The following OLAH variants were observed in gnomAD, a reference collection of about 807,000 sequenced individuals.
OLAH encodes the protein oleoyl-ACP hydrolase, also known as S-acyl fatty acid synthase thioesterase, medium chain.
A neutral mutation model predicts 27.8 loss-of-function variants in OLAH; 33 were observed. The ratio of observed to expected loss-of-function variants is 1.19; its 90% confidence interval spans 0.90 to 1.59. The LOEUF (loss-of-function observed/expected upper bound fraction) is 1.59. OLAH is among the 40% of genes most tolerant of loss of function. OLAH has a pLI of 0.00. For synonymous variants in OLAH, 120 were observed against 102.9 expected, an observed-to-expected ratio of 1.17 and a Z score of -1.01; for missense variants, 359 against 310.8, an observed-to-expected ratio of 1.16 and a Z score of -1.17.
chr10:15,052,806 G>C lies in OLAH; in HGVS notation c.163+3041G>C, dbSNP rs560523551. Among the ~76,000 whole-genome samples, 39 of 149,870 alleles carry C rather than the reference G, an allele frequency of 2.6e-4. No homozygotes were observed. In the South Asian group the frequency reaches 7.6e-3, roughly 29 times the overall value. On this transcript the variant is annotated intron_variant, in intron 3 of 7. Transcript: ENST00000378228. ...GCCCCAGGCCGGAGTGCAGTGGCGT[G>C]ATCTCGGCTCACTGCAGCCTCTGCC...
chr10:15,034,935 G>A (rs560098834), intron 1 of OLAH, among the ~76,000 whole-genome samples: 3 of 151,668 alleles, frequency 2.0e-5, no homozygotes, highest in Non-Finnish European at 4.4e-5. Flanking sequence ...CCGAGTAGCT[G>A]GGATTACAGG....
At chr10:15,052,193 G>T (rs1844156294) in intron 3 of OLAH, among the ~76,000 whole-genome samples, 1 of 152,160 alleles carries the variant, frequency 6.6e-6, no homozygotes, top group African/African-American at 2.4e-5. Flanking sequence ...TGAGGCAGAA[G>T]AACCGCTTGA....
rs565264989 is a variant in OLAH, at chr10:15,059,689, C to G, written c.164-2035C>G. On this transcript the variant is annotated intron_variant, in intron 3 of 7. Transcript: ENST00000378228. ...GGTGTGGTGGCATGTGCCTGTATTC[C>G]CAGCTACTTGGGAGGGTGAGGCAGG... is the stretch of plus-strand genomic sequence containing the variant. Among the ~76,000 whole-genome samples the G allele has an allele frequency of 2.6e-5, 4 of 152,218 alleles. No individual in the cohort carries two copies. In the East Asian group the frequency reaches 5.8e-4, roughly 22 times the overall value.
At chr10:15,066,226 G>T (rs1020598462) in intron 6 of OLAH, among the ~76,000 whole-genome samples, 1 of 141,852 alleles carries the variant, frequency 7.0e-6, no homozygotes, top group Non-Finnish European at 1.5e-5. Context: ...GGCCAACAGA[G>T]TGAGACTCCA....
At chr10:15,051,088 T>A (rs1245630750) in intron 3 of OLAH, among the ~76,000 whole-genome samples, 4 of 148,488 alleles carry the variant, frequency 2.7e-5, no homozygotes, top group African/African-American at 7.4e-5. Flanking sequence ...ATTTTTTTTT[T>A]TTTTTGAGAT....
At chr10:15,056,212 G>C (rs901643964) in intron 3 of OLAH, among the ~76,000 whole-genome samples, 64 of 151,980 alleles carry the variant, frequency 4.2e-4, no homozygotes, top group African/African-American at 1.5e-3. Context: ...TATCTATTCT[G>C]TTCTCAGGCA....
chr10:15,058,375 G>C (rs1844288025), intron 3 of OLAH, among the ~76,000 whole-genome samples: 1 of 152,148 alleles, frequency 6.6e-6, no homozygotes, highest in Admixed American at 6.6e-5. Flanking sequence ...TTATAGGCAT[G>C]AGCCACTGCA....
At chr10:15,069,996 T>C (rs928849647) in intron 6 of OLAH, among the ~76,000 whole-genome samples, 7 of 152,192 alleles carry the variant, frequency 4.6e-5, no homozygotes, top group Non-Finnish European at 1.5e-5. Context: ...CAGATACCTC[T>C]TCCGCCTGGA....
chr10:15,041,692 C>T (rs1472764065), upstream of OLAH, among the ~76,000 whole-genome samples: 1 of 151,964 alleles, frequency 6.6e-6, no homozygotes, highest in Non-Finnish European at 1.5e-5. Flanking sequence ...TCTCTTGCCT[C>T]AGCCTCCTGT....
chr10:15,059,210 G>A (rs1013778687), intron 3 of OLAH, among the ~76,000 whole-genome samples: 14 of 124,972 alleles, frequency 1.1e-4, no homozygotes, highest in Non-Finnish European at 1.7e-4. Context: ...CCATCCATCC[G>A]TCCATCTCAT....
At position 15,071,836 on chromosome 10, in the gene OLAH, CAT is replaced by C. The variant is rs766705398; in HGVS notation, c.615_616del (p.Cys206PhefsTer5). The C allele has an allele frequency of 1.2e-6, 2 of 1,613,656 alleles. No individual in the cohort carries two copies. Among genetic ancestry groups the C allele is most frequent in the Non-Finnish European group, 1.7e-6 (2 of 1,179,548 alleles). On this transcript the variant is annotated frameshift_variant, in exon 7 of 8. Transcript: ENST00000378228. LOFTEE classifies it low-confidence loss of function (END_TRUNC). ...AAGGCTGTTCTTTCCTGTGACTTGA[CAT>C]GTTTTGTTGGATCTGAAGACATAGC...
At chr10:15,041,280 AT>A (rs529932860), upstream of OLAH, among the ~76,000 whole-genome samples, 145 of 79,054 alleles carry the variant, frequency 1.8e-3, no homozygotes, top group East Asian at 0.015. Context: ...TTTTATTTTT[AT>A]TTTTATTTTT....
intron 6 of OLAH, among the ~76,000 whole-genome samples, chr10:15,068,464 C>T (rs1376048665): frequency 2.6e-5 from 4 of 152,200 alleles, no homozygotes; most frequent in African/African-American, 4.8e-5. Context: ...GCGATCTCAG[C>T]TCACTGCAAC....
At chr10:15,043,479 T>G (rs1843958188), upstream of OLAH, among the ~76,000 whole-genome samples, 1 of 67,364 alleles carries the variant, frequency 1.5e-5, no homozygotes, top group Non-Finnish European at 3.3e-5. Context: ...CTCTTCTTCT[T>G]TTTTTTTTTT....
intron 1 of OLAH, among the ~76,000 whole-genome samples, chr10:15,044,813 A>C (rs1843984485): frequency 6.7e-6 from 1 of 150,070 alleles, no homozygotes; most frequent in South Asian, 2.1e-4. Flanking sequence ...ACCTCTCCTC[A>C]CCTCCTGGCT....
intron 1 of OLAH, among the ~76,000 whole-genome samples, chr10:15,033,656 G>A (rs1333149552): frequency 6.6e-6 from 1 of 152,130 alleles, no homozygotes; most frequent in South Asian, 2.1e-4. Flanking sequence ...CAGTATGAAG[G>A]CACCTGCAGT....
intron 1 of OLAH, among the ~76,000 whole-genome samples, chr10:15,034,657 T>A (rs571886285): frequency 1.5e-4 from 23 of 152,258 alleles, no homozygotes; most frequent in African/African-American, 5.5e-4. Context: ...GCAGGTGTGC[T>A]CTGTGATGGA....
chr10:15,062,277 A>G (rs1465524370), intron 4 of OLAH, among the ~76,000 whole-genome samples: 1 of 152,208 alleles, frequency 6.6e-6, no homozygotes, highest in Non-Finnish European at 1.5e-5. Flanking sequence ...CTATAAGGGT[A>G]CAATAACAAT....
rs1016342729 is a variant in OLAH, at chr10:15,073,334, C to T, written c.*105C>T. On this transcript the variant is annotated 3_prime_UTR_variant, in exon 8 of 8. Transcript: ENST00000378228. The stretch of plus-strand genomic sequence containing the variant: ...CAGATTGGAAATTACACATTTTCTA[C>T]TGTCAGGGAGATTCGTTACATAAAT... 1.2e-5 allele frequency: 9 copies of T among 750,902 alleles called. No individual in the cohort carries two copies. The African/African-American group carries it at 1.6e-4, about 13-fold the overall frequency. 46.5% of individuals were successfully genotyped at this position (750,902 alleles called of 1,614,324 possible). A position where few individuals can be genotyped will look rare whatever the true frequency, so the allele number is the denominator to read the frequency against.
Sources: allele counts gnomAD v4.1 joint callset (sites outside exome capture counted in the v4.1 genomes callset), GRCh38; gene constraint gnomAD v4.1.1; transcripts MANE v1.5; gene names NCBI Gene and HGNC (gene_info 2026-07-23, HGNC 2026-07-21).